SRPK2: variants seen among roughly 807,000 people sequenced by gnomAD.
SRPK2 encodes the protein SRSF protein kinase 2.
A neutral mutation model predicts 90.8 loss-of-function variants in SRPK2; 21 were observed. The ratio of observed to expected loss-of-function variants is 0.23; its 90% CI spans 0.16 to 0.33. The LOEUF (loss-of-function observed/expected upper bound fraction) is 0.33. SRPK2 is among the 10% of genes least tolerant of loss of function. SRPK2 has a pLI of 1.00. For synonymous variants in SRPK2, 288 were observed against 311.1 expected (o/e 0.93, Z 0.78); for missense variants, 620 against 869.0 (o/e 0.71, Z 3.60).
chr7:105,161,774 T>G (rs1807698724), intron 6 of SRPK2, among the ~76,000 whole-genome samples: 1 of 152,350 alleles, frequency 6.6e-6, no homozygotes, highest in South Asian at 2.1e-4. Flanking sequence ...TAAGACCTAT[T>G]TAATCTTTTC....
chr7:105,365,626 A>C (rs1818954912), intron 2 of SRPK2, among the ~76,000 whole-genome samples: 1 of 150,996 alleles, frequency 6.6e-6, no homozygotes, highest in African/African-American at 2.4e-5. Flanking sequence ...AGGGAGACTG[A>C]GTCTCCACAA....
At chr7:105,255,992 A>T (rs1173674940) in intron 2 of SRPK2, among the ~76,000 whole-genome samples, 3 of 151,654 alleles carry the variant, frequency 2.0e-5, no homozygotes, top group Non-Finnish European at 4.4e-5. Flanking sequence ...TCTTCCTATT[A>T]CATACAGTTA....
chr7:105,394,322 T>G (rs1000221775), upstream of SRPK2, among the ~76,000 whole-genome samples: 4 of 152,094 alleles, frequency 2.6e-5, no homozygotes, highest in Non-Finnish European at 5.9e-5. Context: ...TTTGTATTTT[T>G]AGTGGAGATG....
chr7:105,202,143 G>A (rs1795641730), intron 3 of SRPK2, among the ~76,000 whole-genome samples: 1 of 152,220 alleles, frequency 6.6e-6, no homozygotes, highest in Non-Finnish European at 1.5e-5. Context: ...CTATGTGGAA[G>A]TACGTGCACC....
chr7:105,297,139 T>C (rs960781731), intron 2 of SRPK2, among the ~76,000 whole-genome samples: 2 of 152,196 alleles, frequency 1.3e-5, no homozygotes, highest in Non-Finnish European at 2.9e-5. Context: ...TATGATAAAA[T>C]TCTCAAACTG....
intron 2 of SRPK2, among the ~76,000 whole-genome samples, chr7:105,328,678 C>T (rs2131646570): frequency 6.6e-6 from 1 of 150,692 alleles, no homozygotes; most frequent in East Asian, 2.0e-4. Context: ...TCCTTGCTAA[C>T]ACGGTGAAAC....
chr7:105,301,989 C>A, intron 2 of SRPK2: 1 of 1,602,258 alleles, frequency 6.2e-7, no homozygotes, highest in Non-Finnish European at 8.5e-7. Context: ...CGTAAGCTGG[C>A]AGACAAAACA....
chr7:105,265,829 T>C lies in SRPK2; in HGVS notation c.72-62044A>G, dbSNP rs142944760. ...GCAGCAAATATCTTCCTCGTAACTA[T>C]TATATACATCATTTTTCATTCATCA... On this transcript the variant is annotated intron_variant, in intron 2 of 15. Coordinates refer to ENST00000393651, the MANE Select transcript of SRPK2 (RefSeq NM_182692.3). Among the ~76,000 whole-genome samples, 41 of 152,218 alleles carry C rather than the reference T, an allele frequency of 2.7e-4. No homozygotes were observed. In the East Asian group the frequency reaches 7.5e-3, roughly 28 times the overall value.
intron 2 of SRPK2, among the ~76,000 whole-genome samples, chr7:105,220,521 T>C (rs1328537903): frequency 6.6e-6 from 1 of 152,016 alleles, no homozygotes; most frequent in African/African-American, 2.4e-5. Context: ...CGAGACTCCA[T>C]CTCAAAAAAG....
At chr7:105,186,978 T>C (rs1053756908) in intron 3 of SRPK2, among the ~76,000 whole-genome samples, 10 of 152,316 alleles carry the variant, frequency 6.6e-5, no homozygotes, top group Admixed American at 6.5e-4. Flanking sequence ...TCCCCAGCCA[T>C]GAAGCCACAT....
At chr7:105,216,898 G>A (rs1300905337) in intron 2 of SRPK2, among the ~76,000 whole-genome samples, 1 of 152,152 alleles carries the variant, frequency 6.6e-6, no homozygotes, top group Non-Finnish European at 1.5e-5. Context: ...GCACATTAGA[G>A]TGTTGTAAAT....
chr7:105,309,545 A>G (rs1811485321), intron 2 of SRPK2, among the ~76,000 whole-genome samples: 1 of 152,224 alleles, frequency 6.6e-6, no homozygotes, highest in Non-Finnish European at 1.5e-5. Context: ...AGAACTGCAA[A>G]AACATGCCAG....
chr7:105,349,165 G>T (rs1816843193), intron 2 of SRPK2, among the ~76,000 whole-genome samples: 1 of 146,394 alleles, frequency 6.8e-6, no homozygotes, highest in Non-Finnish European at 1.5e-5. Flanking sequence ...AGAAAGAGGG[G>T]GAGGGGAGGG....
intron 2 of SRPK2, among the ~76,000 whole-genome samples, chr7:105,361,848 G>A (rs1406221806): frequency 6.6e-6 from 1 of 152,112 alleles, no homozygotes; most frequent in Non-Finnish European, 1.5e-5. Context: ...AGACTTAAAT[G>A]TTAGACCTAA....
intron 2 of SRPK2, among the ~76,000 whole-genome samples, chr7:105,291,044 C>CAGA (rs545017939): frequency 2.4e-5 from 2 of 83,796 alleles, no homozygotes; most frequent in Non-Finnish European, 4.3e-5. Context: ...GACTCCGTCT[C>CAGA]AAAAAAAAAA....
At chr7:105,168,196 C>T in intron 4 of SRPK2, 101 bp from the exon 5 acceptor site, 2 of 904,460 alleles carry the variant, frequency 2.2e-6, no homozygotes, top group East Asian at 2.7e-5. Flanking sequence ...ATGTAAAATC[C>T]AAAATGCGCC....
At chr7:105,300,254 C>CAAAAA (rs35542004) in intron 2 of SRPK2, among the ~76,000 whole-genome samples, 1 of 76,278 alleles carries the variant, frequency 1.3e-5, no homozygotes, top group African/African-American at 5.0e-5. Flanking sequence ...GACTCCATCT[C>CAAAAA]AAAAAAAAAA....
chr7:105,217,068 A>C (rs569020363), intron 2 of SRPK2, among the ~76,000 whole-genome samples: 1 of 152,350 alleles, frequency 6.6e-6, no homozygotes, highest in East Asian at 1.9e-4. Context: ...ACCTTGATAC[A>C]TTACGCACGA....
intron 2 of SRPK2, among the ~76,000 whole-genome samples, chr7:105,375,752 G>A (rs117761346): frequency 1.4e-4 from 22 of 152,146 alleles, no homozygotes; most frequent in African/African-American, 4.6e-4. Flanking sequence ...CAGATGTTTC[G>A]CTATTCAAGT....
Sources: allele counts gnomAD v4.1 joint callset (sites outside exome capture counted in the v4.1 genomes callset), GRCh38; gene constraint gnomAD v4.1.1; transcripts MANE v1.5; gene names NCBI Gene and HGNC (gene_info 2026-07-23, HGNC 2026-07-21).